CFAP45: variants seen among roughly 807,000 people sequenced by gnomAD.
CFAP45 encodes cilia and flagella associated protein 45.
CFAP45 carries 43 observed loss-of-function variants against 75.6 expected under a neutral mutation model. The ratio of observed to expected loss-of-function variants is 0.57; its 90% CI spans 0.45 to 0.73. The LOEUF (loss-of-function observed/expected upper bound fraction) is 0.73. Ranked by LOEUF, CFAP45 falls within the 30% of genes least tolerant of loss-of-function variation. The pLI is 0.00. For missense variants in CFAP45, 689 were observed against 701.5 expected, an observed-to-expected ratio of 0.98 and a Z score of 0.20; for synonymous variants, 223 against 244.6, an observed-to-expected ratio of 0.91 and a Z score of 0.82.
chr1:159,874,995 G>C (rs1364672541), intron 10 of CFAP45, among the ~76,000 whole-genome samples: 1 of 152,150 alleles, frequency 6.6e-6, no homozygotes, highest in African/African-American at 2.4e-5. Context: ...AGTTGGATTT[G>C]GGCTGTGGCA....
rs536649206 is a variant in CFAP45 at position 159,883,889 on chromosome 1, T to C, written c.897+547A>G. ...AGAGAAGGCATACAGAAGATGACTT[T>C]TTAAGTCTTCTTAGTTTGGGCAGGT... On this transcript the variant is annotated intron_variant, in intron 7 of 11. Transcript: ENST00000368099. Among the ~76,000 whole-genome samples, 165 of 152,288 alleles carry C rather than the reference T, an allele frequency of 1.1e-3. 1 individual carries two copies. The highest frequency in any genetic ancestry group is 3.5e-3 in the African/African-American group (146 of 41,562).
chr1:159,879,537 C>T (rs1204589724), intron 8 of CFAP45, among the ~76,000 whole-genome samples: 1 of 152,184 alleles, frequency 6.6e-6, no homozygotes, highest in Non-Finnish European at 1.5e-5. Context: ...TAGGTGCTCA[C>T]TAAATGATAG....
intron 7 of CFAP45, among the ~76,000 whole-genome samples, chr1:159,883,079 C>G (rs1571182957): frequency 6.6e-6 from 1 of 152,208 alleles, no homozygotes; most frequent in African/African-American, 2.4e-5. Context: ...TCACGTCCCC[C>G]TGTCACTCAC....
rs1460333126 is a variant in CFAP45, at chr1:159,889,497, C to G, written c.272+983G>C. Among the ~76,000 whole-genome samples the G allele has an allele frequency of 2.0e-5, 3 of 152,340 alleles. No homozygotes were observed. In the East Asian group the frequency reaches 5.8e-4, roughly 29 times the overall value. On this transcript the variant is annotated intron_variant, in intron 3 of 11. Transcript: ENST00000368099. Reference sequence around the variant, plus strand: ...TTGTGTTTCACAAAGCAACGTGGCCCTAAACAGCCTAGGATCTGGAGTGAC... The same window carrying G: ...TTGTGTTTCACAAAGCAACGTGGCCGTAAACAGCCTAGGATCTGGAGTGAC...
intron 6 of CFAP45, among the ~76,000 whole-genome samples, chr1:159,884,960 C>T (rs922256061): frequency 6.6e-6 from 1 of 152,122 alleles, no homozygotes; most frequent in African/African-American, 2.4e-5. Flanking sequence ...AACAAACAAA[C>T]AAACAAACAA....
intron 3 of CFAP45, 103 bp downstream of exon 3, chr1:159,890,377 G>T: frequency 3.8e-6 from 4 of 1,048,996 alleles, no homozygotes; most frequent in Non-Finnish European, 4.3e-6. Context: ...AGTGGGGATT[G>T]GACTGACAGA....
intron 8 of CFAP45, among the ~76,000 whole-genome samples, chr1:159,878,118 C>T (rs1204175579): frequency 2.6e-5 from 4 of 152,198 alleles, no homozygotes; most frequent in Non-Finnish European, 5.9e-5. Context: ...GATTTGAACA[C>T]AGGTACCCTG....
At position 159,876,722 on chromosome 1, in the gene CFAP45, C is replaced by T. The variant is rs770179632; in HGVS notation, c.1186G>A (p.Glu396Lys). 1.7e-5 allele frequency: 27 copies of T among 1,614,196 alleles called. No homozygotes were observed. Among genetic ancestry groups the T allele is most frequent in the Admixed American group, 5.0e-5 (3 of 60,026 alleles). ...QDALRAKRNQ[E>K]VADREWRRKE... ...CTGCGCCACTCTCTGTCTGCAACCT[C>T]CTGGTTGCGCTTGGCCCGCAAGGCA... The change falls in exon 10 of 12, where the codon GAG becomes AAG. Residue 396 changes from glutamate to lysine, a missense_variant. By Grantham distance (56) the Glu-to-Lys change is moderately conservative. Transcript: ENST00000368099.
chr1:159,879,718 T>G (rs2101843223), intron 8 of CFAP45, among the ~76,000 whole-genome samples: 1 of 152,294 alleles, frequency 6.6e-6, no homozygotes, highest in African/African-American at 2.4e-5. Context: ...GTGTACCAAA[T>G]ATGCCATTCA....
chr1:159,896,390 T>C (rs990137878), intron 1 of CFAP45, among the ~76,000 whole-genome samples: 3 of 152,162 alleles, frequency 2.0e-5, no homozygotes, highest in East Asian at 1.9e-4. Context: ...GAAAACCTCA[T>C]TGGGGAAATG....
chr1:159,900,020 C>T, intron 1 of CFAP45, 76 bp downstream of exon 1: 1 of 1,576,062 alleles, frequency 6.3e-7, no homozygotes, highest in Non-Finnish European at 8.7e-7. Flanking sequence ...GTGACCTCCC[C>T]TAGGCCCCCA....
intron 7 of CFAP45, among the ~76,000 whole-genome samples, chr1:159,883,288 C>CTGAATGAATGAATGAATGAA (rs145427366): frequency 2.6e-5 from 4 of 151,056 alleles, no homozygotes; most frequent in African/African-American, 9.7e-5. Flanking sequence ...GAATGAAGAA[C>CTGAATGAATGAATGAATGAA]TGAATGAATG....
chr1:159,872,619 G>A, intron 11 of CFAP45, 56 bp from the exon 12 acceptor site: 4 of 1,471,052 alleles, frequency 2.7e-6, no homozygotes, highest in South Asian at 1.1e-5. Flanking sequence ...ACAGGAGGTG[G>A]GAGGAAGCAG....
rs780351772 is a variant in CFAP45, at chr1:159,900,103, T to G, written c.-5A>C. On this transcript the variant is annotated 5_prime_UTR_variant, in exon 1 of 12. Coordinates refer to ENST00000368099, the MANE Select transcript of CFAP45 (RefSeq NM_012337.3). Reference sequence around the variant, plus strand: ...TCTGAGGTTCTCCCTCACCATCTCCTCAGCCACACGCCCTGACTCCGGACT... The same window carrying G: ...TCTGAGGTTCTCCCTCACCATCTCCGCAGCCACACGCCCTGACTCCGGACT... The G allele has an allele frequency of 6.2e-7, 1 of 1,613,994 alleles. No individual in the cohort carries two copies. Among genetic ancestry groups the G allele is most frequent in the East Asian group, 2.2e-5 (1 of 44,850 alleles).
chr1:159,899,518 A>AGT (rs1650023442), intron 1 of CFAP45, among the ~76,000 whole-genome samples: 1 of 124,848 alleles, frequency 8.0e-6, no homozygotes. Flanking sequence ...CCCAGGCTGG[A>AGT]GTGCAGTGGC....
chr1:159,899,948 C>T (rs1366947977), intron 1 of CFAP45, 148 bp downstream of exon 1: 1 of 739,404 alleles, frequency 1.4e-6, no homozygotes, highest in African/African-American at 1.8e-5. Context: ...CTCAGGATCT[C>T]CCTTGCTTCT....
intron 7 of CFAP45, among the ~76,000 whole-genome samples, chr1:159,882,186 C>A (rs1649564914): frequency 6.6e-6 from 1 of 152,160 alleles, no homozygotes; most frequent in Non-Finnish European, 1.5e-5. Flanking sequence ...ATACTCATTT[C>A]TTTGCTCACT....
intron 6 of CFAP45, 141 bp from the exon 7 acceptor site, chr1:159,884,706 A>C: frequency 1.2e-6 from 1 of 852,094 alleles, no homozygotes; most frequent in Non-Finnish European, 1.8e-6. Flanking sequence ...AATATGCTTC[A>C]TGAGCCCAGA....
chr1:159,876,572 A>T lies in CFAP45; in HGVS notation c.1336T>A (p.Phe446Ile). Residue 446 changes from phenylalanine (F) to isoleucine (I), a missense_variant, in exon 10 of 12, where the codon TTC becomes ATC. Coordinates refer to ENST00000368099, the MANE Select transcript of CFAP45 (RefSeq NM_012337.3). ...CCCTCCTACCGAAGAATCCTCTCGA[A>T]CTCATCCCGGTCCCGTTGCACCTGA... ...AVQVQRDRDEFERILRAQREQ... is the reference protein window; with the variant it reads ...AVQVQRDRDEIERILRAQREQ... The T allele has an allele frequency of 6.2e-7, 1 of 1,613,784 alleles. No homozygotes were observed. The highest frequency in any genetic ancestry group is 8.5e-7 in the Non-Finnish European group (1 of 1,179,766).
Sources: allele counts gnomAD v4.1 joint callset (sites outside exome capture counted in the v4.1 genomes callset), GRCh38; gene constraint gnomAD v4.1.1; transcripts MANE v1.5; gene names NCBI Gene and HGNC (gene_info 2026-07-23, HGNC 2026-07-21).